Variants in C2orf76 observed in about 807,000 individuals in gnomAD.
C2orf76 encodes the protein chromosome 2 open reading frame 76.
Under a neutral mutation model 16.9 loss-of-function variants are expected in C2orf76, and 23 were observed. The observed-to-expected ratio is 1.36, with a 90% CI of 0.98 to 1.93. The LOEUF (loss-of-function observed/expected upper bound fraction) is 1.93. C2orf76 is among the 30% of genes most tolerant of loss of function. C2orf76 has a pLI of 0.00. For missense variants in C2orf76, 152 were observed against 152.6 expected, an observed-to-expected ratio of 1.00 and a Z score of 0.02; for synonymous variants, 48 against 52.3, an observed-to-expected ratio of 0.92 and a Z score of 0.35.
intron 3 of C2orf76, among the ~76,000 whole-genome samples, chr2:119,320,644 G>C (rs6725507): frequency 0.69 from 104,527 of 152,062 alleles, 36,411 homozygotes; most frequent in African/African-American, 0.8. Context: ...CACCAATTAA[G>C]AGAAATATTT....
chr2:119,325,594 G>A (rs924957994), intron 2 of C2orf76, among the ~76,000 whole-genome samples: 2 of 152,090 alleles, frequency 1.3e-5, no homozygotes, highest in Non-Finnish European at 2.9e-5. Context: ...TCTAGCCTAG[G>A]GGAGACAGAG....
chr2:119,312,389 C>A (rs1472964341), intron 4 of C2orf76, among the ~76,000 whole-genome samples: 2 of 152,138 alleles, frequency 1.3e-5, no homozygotes, highest in Non-Finnish European at 2.9e-5. Context: ...GCTGGGACTG[C>A]ATACATGTGC....
Position 119,366,819 on chromosome 2 carries a change from C to G in C2orf76, c.-42G>C. 2 of 591,592 alleles carry G rather than the reference C, an allele frequency of 3.4e-6. No individual in the cohort carries two copies. Among genetic ancestry groups the G allele is most frequent in the Admixed American group, 3.4e-5 (1 of 29,714 alleles). The allele number at this position is 591,592 out of a possible 1,614,324, so 36.6% of individuals were successfully genotyped here. A position where few individuals can be genotyped will look rare whatever the true frequency, so the allele number is the denominator to read the frequency against. On this transcript the variant is annotated 5_prime_UTR_variant, in exon 1 of 6. Transcript: ENST00000334816. ...TCCCGGCGTCCCCTTCGGCTACTCC[C>G]GGCGTTTGCGCAAGCGGTCCCACGT...
At chr2:119,343,309 G>C (rs1374259016) in intron 1 of C2orf76, among the ~76,000 whole-genome samples, 4 of 152,034 alleles carry the variant, frequency 2.6e-5, no homozygotes, top group Non-Finnish European at 5.9e-5. Flanking sequence ...ATATACTGAA[G>C]TATTCAATAA....
chr2:119,310,602 C>G (rs7585528), intron 5 of C2orf76, among the ~76,000 whole-genome samples: 5,356 of 152,232 alleles, frequency 0.035, 292 homozygotes, highest in African/African-American at 0.12. Context: ...TGTTCCTTAA[C>G]AAGTGCATAT....
At chr2:119,296,433 A>G in the C2orf76 span, among the ~76,000 whole-genome samples, 1 of 152,178 alleles carries the variant, frequency 6.6e-6, no homozygotes, top group Non-Finnish European at 1.5e-5. Flanking sequence ...ACGTACAGTG[A>G]GAAAAAGATG....
chr2:119,313,521 G>A (rs1183329901), intron 4 of C2orf76, among the ~76,000 whole-genome samples: 2 of 151,968 alleles, frequency 1.3e-5, no homozygotes, highest in African/African-American at 4.8e-5. Flanking sequence ...TCTTGATCCT[G>A]GGAGGTAGAG....
chr2:119,351,959 T>C (rs373827364), intron 1 of C2orf76, among the ~76,000 whole-genome samples: 3 of 152,224 alleles, frequency 2.0e-5, no homozygotes, highest in East Asian at 1.9e-4. Flanking sequence ...TTGACTGTAC[T>C]ACCTAAAAAA....
At chr2:119,358,392 C>T (rs1183696653) in intron 1 of C2orf76, among the ~76,000 whole-genome samples, 1 of 152,042 alleles carries the variant, frequency 6.6e-6, no homozygotes, top group Non-Finnish European at 1.5e-5. Flanking sequence ...GCCTGACCAA[C>T]ATGGAGGAAC....
chr2:119,325,457 CAAAAA>C (rs59581840), intron 2 of C2orf76, among the ~76,000 whole-genome samples: 2 of 59,784 alleles, frequency 3.3e-5, no homozygotes, highest in Non-Finnish European at 6.3e-5. Flanking sequence ...AAGACTGTCT[CAAAAA>C]AAAAAAAAAA....
intron 2 of C2orf76, among the ~76,000 whole-genome samples, chr2:119,328,317 G>A (rs761904393): frequency 2.0e-5 from 3 of 151,972 alleles, no homozygotes; most frequent in African/African-American, 2.4e-5. Flanking sequence ...TGTTCATGCC[G>A]TTTCTTTTTT....
chr2:119,335,162 TG>T (rs1248241400), intron 2 of C2orf76, among the ~76,000 whole-genome samples: 1 of 152,208 alleles, frequency 6.6e-6, no homozygotes, highest in African/African-American at 2.4e-5. Context: ...TTTATAGATA[TG>T]TACATACGCA....
intron 2 of C2orf76, among the ~76,000 whole-genome samples, chr2:119,338,013 T>C (rs1679905720): frequency 6.6e-6 from 1 of 152,226 alleles, no homozygotes; most frequent in Admixed American, 6.5e-5. Context: ...TAAGAAACAC[T>C]GTAATCCACA....
At chr2:119,357,107 G>A (rs1246448923) in intron 1 of C2orf76, among the ~76,000 whole-genome samples, 4 of 152,052 alleles carry the variant, frequency 2.6e-5, no homozygotes, top group Admixed American at 1.3e-4. Context: ...GTCCTAGAAG[G>A]TTTCACTAGA....
At chr2:119,360,982 C>G (rs1479136690) in intron 1 of C2orf76, among the ~76,000 whole-genome samples, 1 of 152,124 alleles carries the variant, frequency 6.6e-6, no homozygotes, top group Non-Finnish European at 1.5e-5. Flanking sequence ...TAAGGAGGAG[C>G]TAGGTAGTGG....
At chr2:119,282,240 A>T in the C2orf76 span, among the ~76,000 whole-genome samples, 1 of 152,080 alleles carries the variant, frequency 6.6e-6, no homozygotes, top group Non-Finnish European at 1.5e-5. Flanking sequence ...TCCTATGTGG[A>T]TCTATTTATC....
At chr2:119,298,087 G>C (rs976580968), downstream of C2orf76, among the ~76,000 whole-genome samples, 2 of 152,146 alleles carry the variant, frequency 1.3e-5, no homozygotes, top group African/African-American at 4.8e-5. Context: ...GAAACTATAG[G>C]CATGCATCAC....
At chr2:119,364,012 T>C (rs1680836532) in intron 1 of C2orf76, among the ~76,000 whole-genome samples, 1 of 145,740 alleles carries the variant, frequency 6.9e-6, no homozygotes, top group East Asian at 1.9e-4. Flanking sequence ...AGTGAGACCC[T>C]GTCTCAAAAA....
intron 4 of C2orf76, among the ~76,000 whole-genome samples, chr2:119,315,277 G>A (rs571194085): frequency 6.6e-6 from 1 of 152,034 alleles, no homozygotes; most frequent in Non-Finnish European, 1.5e-5. Flanking sequence ...AAATTTCTGA[G>A]GATATGTAGT....
Sources: gnomAD v4.1 joint callset for allele counts (sites outside exome capture counted in the v4.1 genomes callset) on GRCh38, gnomAD v4.1.1 for gene constraint, MANE v1.5 for transcripts, NCBI Gene and HGNC (gene_info 2026-07-23, HGNC 2026-07-21) for gene names.